AKAP6: variants seen among roughly 807,000 people sequenced by gnomAD.
AKAP6 encodes the protein A-kinase anchor protein 6.
A neutral mutation model predicts 188.5 loss-of-function variants in AKAP6; 58 were observed. The ratio of observed to expected loss-of-function variants is 0.31; its 90% CI spans 0.25 to 0.38. The LOEUF is 0.38. Among genes scored for constraint, AKAP6 ranks in the 10% least tolerant of loss-of-function variants. The probability of loss-of-function intolerance (pLI) is 1.00; values close to 1 mark genes in which losing one functional copy is unlikely to be tolerated. For missense variants in AKAP6, 2,710 were observed against 2,740.0 expected (o/e 0.99, Z 0.24); for synonymous variants, 989 against 998.6 (o/e 0.99, Z 0.18).
intron 9 of AKAP6, among the ~76,000 whole-genome samples, chr14:32,721,414 T>C (rs1156505090): frequency 2.0e-5 from 3 of 152,196 alleles, no homozygotes. Context: ...TTATGTCTTT[T>C]AAAAAAATTT....
chr14:32,442,796 A>G (rs986189710), intron 2 of AKAP6, among the ~76,000 whole-genome samples: 7 of 152,072 alleles, frequency 4.6e-5, no homozygotes, highest in African/African-American at 1.7e-4. Context: ...ACATAGATGA[A>G]GTCCTGGGGT....
intron 9 of AKAP6, among the ~76,000 whole-genome samples, chr14:32,720,211 T>C (rs1274706882): frequency 6.6e-6 from 1 of 152,226 alleles, no homozygotes; most frequent in Admixed American, 6.5e-5. Context: ...TTCAAGATAC[T>C]CTGTGGTCAA....
rs553078852 is a variant in AKAP6 at position 32,453,652 on chromosome 14, A to T, written c.324+19835A>T. Among the ~76,000 whole-genome samples the T allele has an allele frequency of 9.9e-4, 124 of 125,876 alleles. 9 individuals are homozygous for T. The highest frequency in any genetic ancestry group is 2.9e-3 in the African/African-American group (97 of 33,246). 82.6% of individuals were successfully genotyped at this position (125,876 alleles called of 152,430 possible). ...CGTTCTGTCGCCCAGGCGGGAGTGC[A>T]GTGGCGCGATCTCCGCTCACTGCAA... On this transcript the variant is annotated intron_variant, in intron 2 of 13. Coordinates refer to ENST00000280979, the MANE Select transcript of AKAP6 (RefSeq NM_004274.5).
chr14:32,597,516 T>C lies in AKAP6; in HGVS notation c.2470-1894T>C, dbSNP rs1396182514. On this transcript the variant is annotated intron_variant, in intron 5 of 13. Transcript: ENST00000280979. ...GTGGCAAAAAGTAAGTGCAGGCACG[T>C]TTTGACTATAAAATAACAAACATTT... Among the ~76,000 whole-genome samples the C allele has an allele frequency of 2.0e-5, 3 of 152,166 alleles. No individual in the cohort carries two copies. The East Asian group carries it at 5.8e-4, about 29-fold the overall frequency.
intron 12 of AKAP6, among the ~76,000 whole-genome samples, chr14:32,805,729 T>G (rs1404230615): frequency 2.0e-5 from 3 of 152,232 alleles, no homozygotes; most frequent in African/African-American, 7.2e-5. Context: ...ATTTTCTTTT[T>G]CATTTAGTTC....
intron 2 of AKAP6, among the ~76,000 whole-genome samples, chr14:32,449,010 C>T (rs1890845173): frequency 1.3e-5 from 2 of 152,262 alleles, no homozygotes; most frequent in South Asian, 4.1e-4. Flanking sequence ...CATACATGAG[C>T]ATCAGCAACT....
At chr14:32,726,221 A>G in intron 9 of AKAP6, 1 of 981,700 alleles carries the variant, frequency 1.0e-6, no homozygotes, top group Non-Finnish European at 1.2e-6. Context: ...TAAGGAGAAA[A>G]CTTAGAAGTG....
chr14:32,724,990 T>TAAAAA (rs71432079), intron 9 of AKAP6, among the ~76,000 whole-genome samples: 627 of 34,910 alleles, frequency 0.018, 136 homozygotes, highest in East Asian at 0.064. Context: ...ATATTCAACC[T>TAAAAA]AAAAAAAAAA....
chr14:32,363,496 G>A (rs1294677912), intron 1 of AKAP6, among the ~76,000 whole-genome samples: 1 of 152,174 alleles, frequency 6.6e-6, no homozygotes, highest in Non-Finnish European at 1.5e-5. Context: ...GCAGCCTTCA[G>A]TCTGTGGCTG....
At chr14:32,573,812 C>A (rs1884602120) in intron 4 of AKAP6, among the ~76,000 whole-genome samples, 1 of 151,052 alleles carries the variant, frequency 6.6e-6, no homozygotes, top group South Asian at 2.1e-4. Flanking sequence ...TGAAAATGGG[C>A]ATCAAGTATT....
At chr14:32,793,160 C>A (rs1426703552) in intron 12 of AKAP6, among the ~76,000 whole-genome samples, 1 of 152,106 alleles carries the variant, frequency 6.6e-6, no homozygotes, top group African/African-American at 2.4e-5. Context: ...ATGAAAGGAT[C>A]AAATTCACAC....
intron 7 of AKAP6, among the ~76,000 whole-genome samples, chr14:32,640,782 G>A (rs1442615355): frequency 1.3e-5 from 2 of 152,116 alleles, no homozygotes; most frequent in African/African-American, 4.8e-5. Context: ...TTCAAAGAAT[G>A]TGATTCAGAA....
In AKAP6 at chr14:32,671,728, T is replaced by A. The variant is rs368199511; in HGVS notation, c.2731-6583T>A. On this transcript the variant is annotated intron_variant, in intron 7 of 13. Transcript: ENST00000280979. The stretch of plus-strand genomic sequence containing the variant: ...CAGAGGACGTGCACCCAGATGCAGA[T>A]AGGCAGTAGTAGAGGTGGTGAGAAC... 1.4e-3 allele frequency among the ~76,000 whole-genome samples: 208 copies of A among 152,126 alleles called. 2 individuals are homozygous for A. Among genetic ancestry groups the A allele is most frequent in the South Asian group, 6.2e-3 (30 of 4,808 alleles).
chr14:32,495,683 T>G (rs1880280180), intron 2 of AKAP6, among the ~76,000 whole-genome samples: 1 of 152,226 alleles, frequency 6.6e-6, no homozygotes, highest in African/African-American at 2.4e-5. Context: ...CTTTAAAATT[T>G]ACCTTCCTCT....
At chr14:32,810,656 T>G (rs1338999700) in intron 12 of AKAP6, among the ~76,000 whole-genome samples, 1 of 152,208 alleles carries the variant, frequency 6.6e-6, no homozygotes, top group Admixed American at 6.5e-5. Flanking sequence ...CTAGCATCAG[T>G]GTAACTTGTG....
intron 11 of AKAP6, among the ~76,000 whole-genome samples, chr14:32,742,410 T>C (rs1305235142): frequency 6.6e-6 from 1 of 152,008 alleles, no homozygotes; most frequent in African/African-American, 2.4e-5. Context: ...CTACTAATTT[T>C]GGGTTTGGTT....
At chr14:32,521,298 AC>A (rs1165467659) in intron 2 of AKAP6, among the ~76,000 whole-genome samples, 1 of 152,104 alleles carries the variant, frequency 6.6e-6, no homozygotes, top group Non-Finnish European at 1.5e-5. Flanking sequence ...GCCCTCTCTC[AC>A]CACTCCTATT....
intron 7 of AKAP6, among the ~76,000 whole-genome samples, chr14:32,670,965 T>G (rs955372499): frequency 6.6e-6 from 1 of 152,184 alleles, no homozygotes; most frequent in Middle Eastern, 3.2e-3. Context: ...TCACATATGC[T>G]GTGCTGGGTG....
rs374102169 is a variant in AKAP6 at position 32,721,848 on chromosome 14, T to G, written c.3001-10606T>G. On this transcript the variant is annotated intron_variant, in intron 9 of 13. Transcript: ENST00000280979. ...ATGTGGATCCAAAGAAGCTCAACTT[T>G]CTAAAACAGAGAGGAAATTTAGGCT... Among the ~76,000 whole-genome samples the G allele has an allele frequency of 2.5e-4, 38 of 152,294 alleles. No homozygotes were observed. The East Asian group carries it at 7.1e-3, about 29-fold the overall frequency.
Sources: gnomAD v4.1 joint callset for allele counts (sites outside exome capture counted in the v4.1 genomes callset) on GRCh38, gnomAD v4.1.1 for gene constraint, MANE v1.5 for transcripts, NCBI Gene and HGNC (gene_info 2026-07-23, HGNC 2026-07-21) for gene names.